Variants in GRID1 observed in about 807,000 individuals in gnomAD.
GRID1 encodes glutamate ionotropic receptor delta type subunit 1.
A neutral mutation model predicts 98.0 loss-of-function variants in GRID1; 28 were observed. The observed-to-expected ratio is 0.29, with a 90% CI of 0.21 to 0.39. The LOEUF is 0.39. Ranked by LOEUF, GRID1 falls within the 10% of genes least tolerant of loss-of-function variation. The pLI is 1.00. For synonymous variants in GRID1, 553 were observed against 538.5 expected (o/e 1.03, Z -0.37); for missense variants, 1,111 against 1,340.5 (o/e 0.83, Z 2.67).
At chr10:85,983,340 A>C (rs1842568838) in intron 4 of GRID1, among the ~76,000 whole-genome samples, 1 of 152,198 alleles carries the variant, frequency 6.6e-6, no homozygotes, top group African/African-American at 2.4e-5. Flanking sequence ...GGAGTGAGGC[A>C]CATGTGCAGA....
chr10:86,125,246 T>C (rs1169168883), intron 4 of GRID1, among the ~76,000 whole-genome samples: 2 of 152,220 alleles, frequency 1.3e-5, no homozygotes, highest in African/African-American at 4.8e-5. Flanking sequence ...CTACTTCTCA[T>C]GCTAACGGTC....
At chr10:86,212,213 G>C (rs548465275) in intron 2 of GRID1, among the ~76,000 whole-genome samples, 1 of 152,262 alleles carries the variant, frequency 6.6e-6, no homozygotes, top group South Asian at 2.1e-4. Context: ...CACGACACTG[G>C]CCACTGCCAG....
At chr10:86,118,103 T>C (rs1384665724) in intron 4 of GRID1, among the ~76,000 whole-genome samples, 1 of 151,960 alleles carries the variant, frequency 6.6e-6, no homozygotes, top group African/African-American at 2.4e-5. Context: ...GACAGATAGA[T>C]AGATATATAT....
intron 2 of GRID1, among the ~76,000 whole-genome samples, chr10:86,343,059 G>A (rs1038862106): frequency 5.9e-5 from 9 of 152,162 alleles, no homozygotes; most frequent in Admixed American, 2.0e-4. Context: ...TCAGCCACAC[G>A]AATGTTCTCT....
chr10:85,726,601 G>T (rs1389432345), intron 10 of GRID1, among the ~76,000 whole-genome samples: 1 of 152,276 alleles, frequency 6.6e-6, no homozygotes, highest in African/African-American at 2.4e-5. Flanking sequence ...GTATCAGAAA[G>T]GCACAGAAGC....
intron 13 of GRID1, chr10:85,646,992 C>T: frequency 3.4e-6 from 2 of 595,416 alleles, no homozygotes; most frequent in South Asian, 3.9e-5. Flanking sequence ...TCCTCCCCAG[C>T]CAGCACCACT....
At chr10:85,814,739 T>C (rs1273708266) in intron 8 of GRID1, among the ~76,000 whole-genome samples, 2 of 151,920 alleles carry the variant, frequency 1.3e-5, no homozygotes, top group Non-Finnish European at 2.9e-5. Context: ...TAAGAAGAAA[T>C]AGATAATGAG....
chr10:86,020,838 C>G (rs1311886484), intron 4 of GRID1, among the ~76,000 whole-genome samples: 1 of 152,162 alleles, frequency 6.6e-6, no homozygotes, highest in Non-Finnish European at 1.5e-5. Flanking sequence ...ACAGTGACAG[C>G]TGACTCTGGA....
chr10:86,298,465 C>T (rs898998836), intron 2 of GRID1, among the ~76,000 whole-genome samples: 1 of 152,068 alleles, frequency 6.6e-6, no homozygotes, highest in Non-Finnish European at 1.5e-5. Flanking sequence ...GTCAGCCTCA[C>T]CTGACGTTCA....
At chr10:85,696,482 G>A (rs1053825152) in intron 12 of GRID1, among the ~76,000 whole-genome samples, 2 of 152,026 alleles carry the variant, frequency 1.3e-5, no homozygotes, top group Non-Finnish European at 2.9e-5. Context: ...GATGTTCAAG[G>A]AGCATACAGA....
At chr10:86,053,162 G>A (rs1426255028) in intron 4 of GRID1, among the ~76,000 whole-genome samples, 4 of 151,990 alleles carry the variant, frequency 2.6e-5, no homozygotes, top group African/African-American at 9.7e-5. Flanking sequence ...CAGGGAATGG[G>A]GTAATGGATG....
intron 2 of GRID1, among the ~76,000 whole-genome samples, chr10:86,231,872 C>T (rs1203716514): frequency 6.6e-6 from 1 of 152,178 alleles, no homozygotes; most frequent in East Asian, 1.9e-4. Context: ...AGCAAGCAGT[C>T]CAGGACCTCC....
rs117687343 is a variant in GRID1 at position 85,668,319 on chromosome 10, T to A, written c.1998-20922A>T. 6.3e-3 allele frequency among the ~76,000 whole-genome samples: 966 copies of A among 152,270 alleles called. 35 individuals carry two copies. The highest frequency in any genetic ancestry group is 0.052 in the Admixed American group (791 of 15,304). On this transcript the variant is annotated intron_variant, in intron 12 of 15. Transcript: ENST00000327946. ...GAGCATGTGCCTCTGACTCTGTGTG[T>A]GTTTGTGTGTATATGTGTGGTTGGC...
At chr10:85,933,045 G>C (rs553889729) in intron 4 of GRID1, among the ~76,000 whole-genome samples, 116 of 152,260 alleles carry the variant, frequency 7.6e-4, no homozygotes, top group Non-Finnish European at 1.4e-3. Flanking sequence ...AATAGAAGGT[G>C]TTTGTGTCAT....
chr10:86,190,343 C>T (rs1056154479), intron 3 of GRID1, among the ~76,000 whole-genome samples: 4 of 152,206 alleles, frequency 2.6e-5, no homozygotes, highest in Admixed American at 1.3e-4. Context: ...GTGGCTCACA[C>T]GAGCCCCTGT....
intron 2 of GRID1, among the ~76,000 whole-genome samples, chr10:86,229,077 G>C (rs1049607143): frequency 6.6e-6 from 1 of 152,162 alleles, no homozygotes; most frequent in African/African-American, 2.4e-5. Context: ...ACTGCTTGTA[G>C]CTGGGGGAGG....
intron 4 of GRID1, among the ~76,000 whole-genome samples, chr10:85,994,584 T>C (rs977424342): frequency 6.6e-6 from 1 of 152,218 alleles, no homozygotes; most frequent in Non-Finnish European, 1.5e-5. Flanking sequence ...TAGAGGTCCA[T>C]TCTGGTTGGA....
At chr10:86,359,619 T>A (rs1331512509) in intron 2 of GRID1, among the ~76,000 whole-genome samples, 1 of 152,244 alleles carries the variant, frequency 6.6e-6, no homozygotes, top group Admixed American at 6.5e-5. Context: ...TTTTTCTGCC[T>A]CTTTCCTAAA....
intron 2 of GRID1, among the ~76,000 whole-genome samples, chr10:86,342,839 A>C (rs958653800): frequency 2.0e-5 from 3 of 152,242 alleles, no homozygotes; most frequent in African/African-American, 7.2e-5. Flanking sequence ...CTGACCATTG[A>C]AAGGTCTTAT....
Sources: allele counts gnomAD v4.1 joint callset (sites outside exome capture counted in the v4.1 genomes callset), GRCh38; gene constraint gnomAD v4.1.1; transcripts MANE v1.5; gene names NCBI Gene and HGNC (gene_info 2026-07-23, HGNC 2026-07-21).